Variants in TPD52L1 observed in about 807,000 individuals in gnomAD.
TPD52L1 encodes the protein tumor protein D53.
A neutral mutation model predicts 28.7 loss-of-function variants in TPD52L1; 18 were observed. The observed-to-expected ratio is 0.63, with a 90% CI of 0.43 to 0.93. The LOEUF is 0.93. Ranked by LOEUF, TPD52L1 falls within the 40% of genes least tolerant of loss-of-function variation. TPD52L1 has a pLI of 0.00. For missense variants in TPD52L1, 203 were observed against 254.8 expected (o/e 0.80, Z 1.39); for synonymous variants, 75 against 88.8 (o/e 0.84, Z 0.88).
chr6:125,223,404 G>A, intron 2 of TPD52L1, among the ~76,000 whole-genome samples: 1 of 152,076 alleles, frequency 6.6e-6, no homozygotes, highest in East Asian at 1.9e-4. Flanking sequence ...GACAAATTCA[G>A]CATTTTAAAA....
intron 1 of TPD52L1, among the ~76,000 whole-genome samples, chr6:125,204,633 T>C (rs1411708527): frequency 6.6e-6 from 1 of 152,036 alleles, no homozygotes; most frequent in Non-Finnish European, 1.5e-5. Context: ...GCGCCCGCCG[T>C]CACGCCCGGG....
At chr6:125,254,048 A>G (rs557820426) in intron 5 of TPD52L1, among the ~76,000 whole-genome samples, 8 of 152,368 alleles carry the variant, frequency 5.3e-5, no homozygotes, top group African/African-American at 1.4e-4. Context: ...TTTGTGAGGC[A>G]TAAACAAAGG....
At chr6:125,182,787 T>C (rs1439390848) in intron 1 of TPD52L1, among the ~76,000 whole-genome samples, 2 of 152,212 alleles carry the variant, frequency 1.3e-5, no homozygotes, top group East Asian at 3.8e-4. Context: ...CAGTAGGTGA[T>C]GGCATCATCA....
chr6:125,169,351 G>A (rs1791128228), intron 1 of TPD52L1, among the ~76,000 whole-genome samples: 2 of 152,002 alleles, frequency 1.3e-5, no homozygotes, highest in Admixed American at 1.3e-4. Flanking sequence ...TATTTTTCCT[G>A]CCTGGACCTC....
chr6:125,212,092 G>A (rs188593197), intron 1 of TPD52L1, among the ~76,000 whole-genome samples: 46 of 152,214 alleles, frequency 3.0e-4, no homozygotes, highest in Middle Eastern at 3.4e-3. Flanking sequence ...TAGATATTTT[G>A]AAGTTTTATG....
chr6:125,219,427 G>A (rs1368069423), intron 1 of TPD52L1, among the ~76,000 whole-genome samples: 1 of 152,180 alleles, frequency 6.6e-6, no homozygotes, highest in Non-Finnish European at 1.5e-5. Context: ...ACTGCTTCGA[G>A]CCACATCTGC....
chr6:125,163,216 C>T (rs1790636710), intron 1 of TPD52L1, among the ~76,000 whole-genome samples: 1 of 152,170 alleles, frequency 6.6e-6, no homozygotes, highest in African/African-American at 2.4e-5. Flanking sequence ...CTAATTAGAG[C>T]TAATTCACAT....
intron 3 of TPD52L1, among the ~76,000 whole-genome samples, chr6:125,236,802 CT>C (rs1324956093): frequency 6.6e-6 from 1 of 152,100 alleles, no homozygotes; most frequent in Non-Finnish European, 1.5e-5. Flanking sequence ...CCTTTTTACC[CT>C]TATCACTCCC....
At chr6:125,165,812 G>A (rs553349259) in intron 1 of TPD52L1, among the ~76,000 whole-genome samples, 11 of 152,318 alleles carry the variant, frequency 7.2e-5, no homozygotes, top group Middle Eastern at 3.4e-3. Context: ...AAAGTCACAT[G>A]AGATGTAATT....
chr6:125,224,208 A>G (rs545550839), intron 2 of TPD52L1, among the ~76,000 whole-genome samples: 2 of 152,354 alleles, frequency 1.3e-5, no homozygotes, highest in African/African-American at 4.8e-5. Context: ...AAGTTTTGGC[A>G]TTAGTACTGT....
Position 125,262,919 on chromosome 6 carries a change from C to A in TPD52L1, c.572C>A (p.Ala191Glu), listed in dbSNP as rs1406636855. ...STAHASAQSLAGGSRRTKEEE... is the reference protein window; with the variant it reads ...STAHASAQSLEGGSRRTKEEE... Reference sequence around the variant, plus strand: ...GCCCATGCCAGTGCCCAGAGCTTGGCAGGAGGCTCCCGGCGGACCAAGGAG... The same window carrying A: ...GCCCATGCCAGTGCCCAGAGCTTGGAAGGAGGCTCCCGGCGGACCAAGGAG... The change falls in exon 7 of 7, where the codon GCA becomes GAA. Residue 191 changes from alanine to glutamate, a missense_variant. Transcript: ENST00000534000. The A allele has an allele frequency of 6.2e-7, 1 of 1,614,086 alleles. No homozygotes were observed. Among genetic ancestry groups the A allele is most frequent in the Non-Finnish European group, 8.5e-7 (1 of 1,180,030 alleles).
intron 1 of TPD52L1, among the ~76,000 whole-genome samples, chr6:125,182,986 C>T (rs1030030280): frequency 6.6e-6 from 1 of 152,130 alleles, no homozygotes; most frequent in African/African-American, 2.4e-5. Flanking sequence ...GTGAGGACAG[C>T]CAAAAGACAA....
chr6:125,245,730 G>A (rs1796885027), intron 3 of TPD52L1, among the ~76,000 whole-genome samples: 1 of 152,150 alleles, frequency 6.6e-6, no homozygotes, highest in Non-Finnish European at 1.5e-5. Context: ...CAGCTCCCAC[G>A]CAGTTGGCGA....
intron 1 of TPD52L1, among the ~76,000 whole-genome samples, chr6:125,192,783 G>A (rs1208323634): frequency 6.6e-6 from 1 of 152,130 alleles, no homozygotes; most frequent in Non-Finnish European, 1.5e-5. Context: ...GACCCATATG[G>A]ACTCACCTGT....
chr6:125,167,708 A>G (rs1016526046), intron 1 of TPD52L1, among the ~76,000 whole-genome samples: 2 of 152,196 alleles, frequency 1.3e-5, no homozygotes, highest in East Asian at 1.9e-4. Flanking sequence ...TGCTTAACAC[A>G]TGCACTTTAC....
intron 1 of TPD52L1, among the ~76,000 whole-genome samples, chr6:125,166,114 A>G (rs955117972): frequency 6.6e-6 from 1 of 152,128 alleles, no homozygotes; most frequent in South Asian, 2.1e-4. Context: ...TCATTTAACC[A>G]TCTCCCAAGC....
At chr6:125,171,692 C>G (rs187385405) in intron 1 of TPD52L1, among the ~76,000 whole-genome samples, 1 of 152,274 alleles carries the variant, frequency 6.6e-6, no homozygotes, top group East Asian at 1.9e-4. Context: ...AGCCTTGAAA[C>G]AGTTCTCCTC....
chr6:125,244,513 G>A lies in TPD52L1; in HGVS notation c.285-3769G>A, dbSNP rs1329512345. Among the ~76,000 whole-genome samples, 3 of 152,174 alleles carry A rather than the reference G, an allele frequency of 2.0e-5. No individual in the cohort carries two copies. In the East Asian group the frequency reaches 5.8e-4, roughly 29 times the overall value. ...GCCTTATTCCTGTCCCAGTGTTCTG[G>A]CTATTCGGATAAGACAGGCACCTCT... On this transcript the variant is annotated intron_variant, in intron 3 of 6. Transcript: ENST00000534000.
At chr6:125,172,142 TTCTTTC>T (rs1264555329) in intron 1 of TPD52L1, among the ~76,000 whole-genome samples, 1 of 78,794 alleles carries the variant, frequency 1.3e-5, no homozygotes, top group Non-Finnish European at 2.3e-5. Flanking sequence ...CTTTCTTTCT[TTCTTTC>T]TTTCTTTCTT....
Sources: gnomAD v4.1 joint callset for allele counts (sites outside exome capture counted in the v4.1 genomes callset) on GRCh38, gnomAD v4.1.1 for gene constraint, MANE v1.5 for transcripts, NCBI Gene and HGNC (gene_info 2026-07-23, HGNC 2026-07-21) for gene names.